FOXN3: variants seen among roughly 807,000 people sequenced by gnomAD.
FOXN3 encodes the protein forkhead box N3.
FOXN3 carries 7 observed loss-of-function variants against 38.4 expected under a neutral mutation model. The observed-to-expected ratio is 0.18, with a 90% CI of 0.10 to 0.34. The LOEUF is 0.34. Ranked by LOEUF, FOXN3 falls within the 10% of genes least tolerant of loss-of-function variation. The pLI, the probability that FOXN3 is intolerant of heterozygous loss-of-function variation, is 1.00. For synonymous variants in FOXN3, 230 were observed against 242.2 expected, an observed-to-expected ratio of 0.95 and a Z score of 0.47; for missense variants, 456 against 613.4, an observed-to-expected ratio of 0.74 and a Z score of 2.71.
chr14:89,383,506 C>T (rs1890714208), intron 2 of FOXN3, among the ~76,000 whole-genome samples: 1 of 152,228 alleles, frequency 6.6e-6, no homozygotes. Context: ...CAGAAATTCT[C>T]TCACAGACCA....
chr14:89,185,994 C>T (rs1887796743), intron 4 of FOXN3: 1 of 152,508 alleles, frequency 6.6e-6, no homozygotes, highest in African/African-American at 2.4e-5. Flanking sequence ...TTCCCCAGCT[C>T]CCCTCCTGAG....
At chr14:89,305,925 T>C (rs1887355868) in intron 3 of FOXN3, among the ~76,000 whole-genome samples, 1 of 152,250 alleles carries the variant, frequency 6.6e-6, no homozygotes, top group African/African-American at 2.4e-5. Flanking sequence ...TGTGGAAGCA[T>C]GTCTTTTGCC....
chr14:89,406,776 T>TAA (rs34914582), intron 2 of FOXN3, among the ~76,000 whole-genome samples: 55,008 of 147,920 alleles, frequency 0.37, 12,389 homozygotes, highest in Admixed American at 0.51. Flanking sequence ...GAGGAAAGGT[T>TAA]AAAAAAAAAA....
At chr14:89,520,009 CTTTTTTTCTT>C (rs771843922) in intron 1 of FOXN3, among the ~76,000 whole-genome samples, 7 of 144,610 alleles carry the variant, frequency 4.8e-5, no homozygotes, top group African/African-American at 1.7e-4. Flanking sequence ...TTCTTTTTTT[CTTTTTTTCTT>C]TTTTTTTTTT....
chr14:89,612,024 C>T (rs947755500), intron 1 of FOXN3, among the ~76,000 whole-genome samples: 7 of 151,866 alleles, frequency 4.6e-5, no homozygotes, highest in Non-Finnish European at 7.4e-5. Flanking sequence ...GGGATAGAAA[C>T]AGTCAGAGGA....
At chr14:89,201,299 C>T (rs1015246674) in intron 4 of FOXN3, among the ~76,000 whole-genome samples, 9 of 152,104 alleles carry the variant, frequency 5.9e-5, no homozygotes, top group African/African-American at 1.7e-4. Flanking sequence ...TTGGGGTTGC[C>T]GTGGAAGAGA....
intron 4 of FOXN3, among the ~76,000 whole-genome samples, chr14:89,227,598 G>T (rs1884681120): frequency 6.6e-6 from 1 of 152,130 alleles, no homozygotes; most frequent in South Asian, 2.1e-4. Flanking sequence ...ATTGTGGCAG[G>T]TGAACATTAA....
chr14:89,518,978 G>A (rs1894265929), intron 1 of FOXN3, among the ~76,000 whole-genome samples: 1 of 152,140 alleles, frequency 6.6e-6, no homozygotes, highest in Non-Finnish European at 1.5e-5. Flanking sequence ...TCATACCACT[G>A]CACTCTAGCC....
chr14:89,296,674 C>T (rs1264946851), intron 3 of FOXN3, among the ~76,000 whole-genome samples: 3 of 152,196 alleles, frequency 2.0e-5, no homozygotes, highest in Non-Finnish European at 2.9e-5. Context: ...CTCGCTCTGT[C>T]GTCTAGGCTG....
chr14:89,166,697 GTC>G (rs1887251377), intron 5 of FOXN3, among the ~76,000 whole-genome samples: 1 of 152,182 alleles, frequency 6.6e-6, no homozygotes, highest in South Asian at 2.1e-4. Flanking sequence ...AAATATAAAT[GTC>G]TCTCTTTCTC....
intron 3 of FOXN3, among the ~76,000 whole-genome samples, chr14:89,302,233 T>C (rs1034378156): frequency 3.3e-5 from 5 of 152,242 alleles, no homozygotes; most frequent in African/African-American, 1.2e-4. Flanking sequence ...GCAAATAATG[T>C]TGCTGAACTT....
At chr14:89,474,368 G>T (rs1464175688) in intron 1 of FOXN3, among the ~76,000 whole-genome samples, 1 of 152,146 alleles carries the variant, frequency 6.6e-6, no homozygotes, top group Non-Finnish European at 1.5e-5. Flanking sequence ...CTCACCCCAA[G>T]CCTTGTAATT....
chr14:89,260,612 C>T (rs748944404), intron 4 of FOXN3, among the ~76,000 whole-genome samples: 10 of 152,202 alleles, frequency 6.6e-5, no homozygotes, highest in Non-Finnish European at 1.0e-4. Flanking sequence ...ATTTCTTTCA[C>T]GTAACAGCTT....
intron 1 of FOXN3, among the ~76,000 whole-genome samples, chr14:89,498,838 A>G (rs1387039801): frequency 4.7e-5 from 7 of 150,528 alleles, no homozygotes; most frequent in African/African-American, 1.7e-4. Context: ...GGTGGGGGGA[A>G]CTGGGTGCTT....
intron 3 of FOXN3, chr14:89,291,096 C>G: frequency 2.0e-6 from 1 of 509,126 alleles, no homozygotes; most frequent in South Asian, 1.4e-5. Flanking sequence ...ATGTTTGTAG[C>G]CCTTTAAGAC....
At chr14:89,607,296 T>C (rs922551310) in intron 1 of FOXN3, among the ~76,000 whole-genome samples, 6 of 152,154 alleles carry the variant, frequency 3.9e-5, no homozygotes, top group Non-Finnish European at 7.4e-5. Context: ...CGGTAGCTCA[T>C]GCCTATAATT....
chr14:89,258,481 T>C (rs1393664032), intron 4 of FOXN3, among the ~76,000 whole-genome samples: 1 of 152,196 alleles, frequency 6.6e-6, no homozygotes, highest in African/African-American at 2.4e-5. Context: ...AGTGAAGGCA[T>C]GCAGGTATGT....
chr14:89,617,550 C>T (rs2139964197), intron 1 of FOXN3, among the ~76,000 whole-genome samples: 1 of 152,256 alleles, frequency 6.6e-6, no homozygotes, highest in East Asian at 1.9e-4. Flanking sequence ...ACTGATGGTC[C>T]TTTTTTTAAA....
In FOXN3 at chr14:89,484,219, C is replaced by T. The variant is rs1049344906; in HGVS notation, c.-14-71729G>A. ...CCTACTCATCCTTTCAACCTATTTT[C>T]TTAATGGGGAGAAAGCTCCACACAT... is the stretch of plus-strand genomic sequence containing the variant. On this transcript the variant is annotated intron_variant, in intron 1 of 6. Coordinates refer to the FOXN3 transcript ENST00000345097. This position sits in a 1 kb window ranked among gnomAD's most constrained non-coding sequence, Gnocchi z 4.0. 5.9e-5 allele frequency among the ~76,000 whole-genome samples: 9 copies of T among 152,216 alleles called. No individual in the cohort carries two copies. The highest frequency in any genetic ancestry group is 1.7e-4 in the African/African-American group (7 of 41,458).
Sources: gnomAD v4.1 joint callset for allele counts (sites outside exome capture counted in the v4.1 genomes callset) on GRCh38, gnomAD v4.1.1 for gene constraint, Gnocchi (gnomAD v3.1) non-coding constraint, MANE v1.5 for transcripts, NCBI Gene and HGNC (gene_info 2026-07-23, HGNC 2026-07-21) for gene names.